Variants in KCNB2 observed in about 807,000 individuals in gnomAD.
KCNB2 encodes delayed rectifier potassium channel protein.
A neutral mutation model predicts 61.5 loss-of-function variants in KCNB2; 15 were observed. The ratio of observed to expected loss-of-function variants is 0.24; its 90% CI spans 0.16 to 0.38. The LOEUF is 0.38. KCNB2 is among the 10% of genes least tolerant of loss of function. KCNB2 has a pLI of 1.00. For missense variants in KCNB2, 828 were observed against 1,125.2 expected (o/e 0.74, Z 3.78); for synonymous variants, 457 against 446.0 (o/e 1.02, Z -0.31).
intron 2 of KCNB2, among the ~76,000 whole-genome samples, chr8:72,689,707 A>C (rs1281417314): frequency 6.6e-6 from 1 of 152,182 alleles, no homozygotes; most frequent in East Asian, 1.9e-4. Flanking sequence ...GAGGTTATCC[A>C]TGTGGTGGCA....
chr8:72,788,432 G>A (rs1808878799), intron 2 of KCNB2, among the ~76,000 whole-genome samples: 1 of 152,100 alleles, frequency 6.6e-6, no homozygotes, highest in African/African-American at 2.4e-5. Context: ...AAGAGCAGCA[G>A]TCCTATCGGA....
At chr8:72,673,811 T>C (rs1806604942) in intron 2 of KCNB2, among the ~76,000 whole-genome samples, 1 of 152,176 alleles carries the variant, frequency 6.6e-6, no homozygotes, top group African/African-American at 2.4e-5. Context: ...TGGGGAGTTA[T>C]TTTAAGGGGT....
chr8:72,914,784 A>C (rs982318433), intron 2 of KCNB2, among the ~76,000 whole-genome samples: 1 of 152,230 alleles, frequency 6.6e-6, no homozygotes, highest in Non-Finnish European at 1.5e-5. Flanking sequence ...GAGTTTATTC[A>C]TGAAGCACCT....
chr8:72,590,959 G>C (rs1256365132), intron 2 of KCNB2, among the ~76,000 whole-genome samples: 1 of 152,082 alleles, frequency 6.6e-6, no homozygotes, highest in Non-Finnish European at 1.5e-5. Flanking sequence ...ATTTAAATTT[G>C]ACATTTAACA....
chr8:72,681,072 T>C (rs1339001214), intron 2 of KCNB2, among the ~76,000 whole-genome samples: 2 of 152,176 alleles, frequency 1.3e-5, no homozygotes, highest in Non-Finnish European at 2.9e-5. Flanking sequence ...ACTGGTTTTA[T>C]ATTAAAGACA....
At position 72,937,166 on chromosome 8, in the gene KCNB2, A is replaced by G; in HGVS notation, c.1811A>G (p.Asp604Gly). ...GACATGAAGAGCACCTCCAGCATCG[A>G]CAGCTTCACCAGCTGTGCCACCGAC... is the stretch of plus-strand genomic sequence containing the variant. ...IVDMKSTSSI[D>G]SFTSCATDFT... is the part of the protein sequence containing the mutation. Residue 604 changes from aspartate (D) to glycine (G), a missense_variant, in exon 3 of 3, where the codon GAC becomes GGC. Around this residue, in one of 4 missense-constraint regions of KCNB2, gnomAD observed 559 missense variants for 588.4 expected, o/e 0.95. Coordinates refer to ENST00000523207, the MANE Select transcript of KCNB2 (RefSeq NM_004770.3). 1.2e-6 allele frequency: 2 copies of G among 1,614,126 alleles called. No homozygotes were observed. Among genetic ancestry groups the G allele is most frequent in the South Asian group, 1.1e-5 (1 of 91,084 alleles).
chr8:72,615,938 A>G (rs1333375405), intron 2 of KCNB2, among the ~76,000 whole-genome samples: 1 of 152,180 alleles, frequency 6.6e-6, no homozygotes, highest in Non-Finnish European at 1.5e-5. Context: ...AAGATAATTT[A>G]AGTTTAAGTT....
intron 2 of KCNB2, among the ~76,000 whole-genome samples, chr8:72,816,822 G>A (rs1358433109): frequency 6.6e-6 from 1 of 152,106 alleles, no homozygotes; most frequent in Non-Finnish European, 1.5e-5. Flanking sequence ...ATCAATGGTG[G>A]GCCTCCACTG....
chr8:72,882,451 C>T (rs750721210), intron 2 of KCNB2, among the ~76,000 whole-genome samples: 7 of 150,880 alleles, frequency 4.6e-5, no homozygotes, highest in Non-Finnish European at 7.4e-5. Flanking sequence ...TCAGTGGTCC[C>T]GTTTGGATTT....
At chr8:72,715,956 G>T (rs1426895815) in intron 2 of KCNB2, among the ~76,000 whole-genome samples, 2 of 152,054 alleles carry the variant, frequency 1.3e-5, no homozygotes, top group Admixed American at 1.3e-4. Flanking sequence ...TCAAATAGAT[G>T]CAATAAAAAA....
chr8:72,554,987 G>T (rs952461507), intron 1 of KCNB2, among the ~76,000 whole-genome samples: 1 of 151,898 alleles, frequency 6.6e-6, no homozygotes, highest in Non-Finnish European at 1.5e-5. Context: ...GCTCAATATT[G>T]ATCCCATATT....
At chr8:72,552,549 C>G (rs1806360691) in intron 1 of KCNB2, among the ~76,000 whole-genome samples, 1 of 152,172 alleles carries the variant, frequency 6.6e-6, no homozygotes, top group Admixed American at 6.5e-5. Flanking sequence ...CCTTAAGAAA[C>G]TAAGTTTCAA....
At chr8:72,607,007 C>G (rs1805461547) in intron 2 of KCNB2, among the ~76,000 whole-genome samples, 1 of 151,960 alleles carries the variant, frequency 6.6e-6, no homozygotes, top group Non-Finnish European at 1.5e-5. Flanking sequence ...GCAGATTTGG[C>G]TAGAGAAAAG....
intron 2 of KCNB2, among the ~76,000 whole-genome samples, chr8:72,886,344 C>T (rs947358141): frequency 1.3e-5 from 2 of 152,204 alleles, no homozygotes; most frequent in African/African-American, 4.8e-5. Flanking sequence ...AACCTGTTCT[C>T]TCTCAGTCTC....
intron 2 of KCNB2, among the ~76,000 whole-genome samples, chr8:72,851,060 T>A (rs933020871): frequency 6.6e-6 from 1 of 152,342 alleles, no homozygotes; most frequent in East Asian, 1.9e-4. Flanking sequence ...ATAAAAAGAG[T>A]TGATGATCAC....
At chr8:72,833,085 T>C (rs1175495159) in intron 2 of KCNB2, among the ~76,000 whole-genome samples, 1 of 152,168 alleles carries the variant, frequency 6.6e-6, no homozygotes, top group African/African-American at 2.4e-5. Context: ...GATAATTTAA[T>C]GCATAAGGTT....
intron 2 of KCNB2, among the ~76,000 whole-genome samples, chr8:72,643,529 G>T (rs1050500977): frequency 7.9e-5 from 12 of 152,084 alleles, no homozygotes; most frequent in African/African-American, 2.7e-4. Flanking sequence ...GCACTCCATG[G>T]TGTGGAGTGT....
chr8:72,787,595 T>C (rs192788156), intron 2 of KCNB2, among the ~76,000 whole-genome samples: 1 of 151,876 alleles, frequency 6.6e-6, no homozygotes, highest in East Asian at 1.9e-4. Context: ...TTAGCAAGGG[T>C]CTTTAAGGAC....
chr8:72,563,250 A>G (rs1215112348), intron 1 of KCNB2, among the ~76,000 whole-genome samples: 2 of 152,306 alleles, frequency 1.3e-5, no homozygotes, highest in South Asian at 4.2e-4. Context: ...ATCACAGTGA[A>G]AGGAAAAAAT....
Sources: gnomAD v4.1 joint callset for allele counts (sites outside exome capture counted in the v4.1 genomes callset) on GRCh38, gnomAD v4.1.1 for gene constraint, gnomAD v4.1.1 regional missense constraint, MANE v1.5 for transcripts, NCBI Gene and HGNC (gene_info 2026-07-23, HGNC 2026-07-21) for gene names.